The following HEATR4 variants were observed in gnomAD, a reference collection of about 807,000 sequenced individuals.
HEATR4 encodes the protein HEAT repeat-containing protein 4.
HEATR4 carries 95 observed loss-of-function variants against 108.8 expected under a neutral mutation model. The ratio of observed to expected loss-of-function variants is 0.87; its 90% confidence interval spans 0.74 to 1.04. The LOEUF is 1.04. HEATR4 is among the 50% of genes least tolerant of loss of function. The pLI is 0.00. For missense variants in HEATR4, 1,152 were observed against 1,253.8 expected (o/e 0.92, Z 1.23); for synonymous variants, 443 against 459.4 (o/e 0.96, Z 0.46).
intron 17 of HEATR4, among the ~76,000 whole-genome samples, chr14:73,481,635 A>C (rs1885262279): frequency 6.6e-6 from 1 of 151,568 alleles, no homozygotes; most frequent in Non-Finnish European, 1.5e-5. Flanking sequence ...AGGTCAGGAG[A>C]TCGAGACCAT....
At chr14:73,619,374 C>T in the HEATR4 span, 1 of 1,614,156 alleles carries the variant, frequency 6.2e-7, no homozygotes. Flanking sequence ...CTCTACATTA[C>T]AAGGATATGA....
chr14:73,515,454 T>C lies in HEATR4; in HGVS notation c.1211-1220A>G, dbSNP rs149699839. ...CAGCACTTTGGGAGGCCAAAGCGGG[T>C]GGATCACTTGAGGTCACAAGTTCGA... On this transcript the variant is annotated intron_variant, in intron 5 of 17. Coordinates refer to ENST00000553558, the MANE Select transcript of HEATR4 (RefSeq NM_001220484.1). Among the ~76,000 whole-genome samples the C allele has an allele frequency of 9.4e-3, 1,412 of 150,826 alleles. 30 individuals carry two copies. Among genetic ancestry groups the C allele is most frequent in the African/African-American group, 0.032 (1,326 of 41,046 alleles).
the HEATR4 span, among the ~76,000 whole-genome samples, chr14:73,620,363 G>A: frequency 6.6e-6 from 1 of 152,200 alleles, no homozygotes; most frequent in Admixed American, 6.5e-5. Context: ...GATCTTATAT[G>A]TAGGACCGGT....
intron 1 of HEATR4, among the ~76,000 whole-genome samples, chr14:73,552,961 C>T (rs545870581): frequency 8.8e-6 from 1 of 114,198 alleles, no homozygotes; most frequent in African/African-American, 2.8e-5. Context: ...CAGGGTTTCC[C>T]CGACCCAAGC....
At chr14:73,613,279 T>C in the HEATR4 span, among the ~76,000 whole-genome samples, 1 of 152,142 alleles carries the variant, frequency 6.6e-6, no homozygotes, top group Non-Finnish European at 1.5e-5. Context: ...TACTCCAGTC[T>C]TTCCTTTTTA....
chr14:73,593,324 TTTTC>T, the HEATR4 span, among the ~76,000 whole-genome samples: 44 of 146,012 alleles, frequency 3.0e-4, no homozygotes, highest in African/African-American at 8.6e-4. Context: ...ATCTTTTTTC[TTTTC>T]TTTCTTTCTT....
In HEATR4 at chr14:73,492,565, T is replaced by TA; in HGVS notation, c.2844+500dup. 6.2e-7 allele frequency: 1 copy of TA among 1,613,792 alleles called. No individual in the cohort carries two copies. Among genetic ancestry groups the TA allele is most frequent in the Non-Finnish European group, 8.5e-7 (1 of 1,179,828 alleles). The stretch of plus-strand genomic sequence containing the variant: ...ATTCTCTGCCCCCTGTTTTGACTGA[T>TA]AGGGAGAGGGCACTAAGTGTTTACG... On this transcript the variant is annotated intron_variant, in intron 17 of 17. Transcript: ENST00000553558. This position sits in a 1 kb window ranked among gnomAD's most constrained non-coding sequence, Gnocchi z 4.9.
the HEATR4 span, chr14:73,595,581 C>G: frequency 1.9e-6 from 3 of 1,575,702 alleles, no homozygotes; most frequent in East Asian, 6.8e-5. Flanking sequence ...CAGGAAGATG[C>G]CTGGAAGCAA....
chr14:73,572,499 T>C, the HEATR4 span, among the ~76,000 whole-genome samples: 2 of 151,578 alleles, frequency 1.3e-5, no homozygotes, highest in African/African-American at 2.4e-5. Context: ...GGTAATACTA[T>C]GAAGAAAACC....
At chr14:73,566,137 G>C in the HEATR4 span, among the ~76,000 whole-genome samples, 1 of 152,110 alleles carries the variant, frequency 6.6e-6, no homozygotes, top group Non-Finnish European at 1.5e-5. Flanking sequence ...CCCTGAGCTA[G>C]ACACAGGGTG....
rs752940929 is a variant in HEATR4, at chr14:73,500,720, C to T, written c.2116G>A (p.Gly706Ser). ...ACACGCTCCTGGGAATTTCCTTGACCTAGCTTGACCCTGTAAGGCACAAGT... is the reference window on the plus strand; with the variant it reads ...ACACGCTCCTGGGAATTTCCTTGACTTAGCTTGACCCTGTAAGGCACAAGT... The part of the protein sequence containing the change: ...EVHDIIRVKL[G>S]QGNSQERVEA... Residue 706 changes from glycine to serine, a missense_variant, in exon 12 of 18, where the codon GGT becomes AGT. Gly to Ser is a moderately conservative substitution (Grantham distance 56). Transcript: ENST00000553558. The T allele has an allele frequency of 1.8e-5, 29 of 1,613,424 alleles. No homozygotes were observed. Among genetic ancestry groups the T allele is most frequent in the Non-Finnish European group, 2.2e-5 (26 of 1,179,648 alleles).
chr14:73,478,491 A>T lies in HEATR4; in HGVS notation c.*115T>A. On this transcript the variant is annotated 3_prime_UTR_variant, in exon 18 of 18. Coordinates refer to ENST00000553558, the MANE Select transcript of HEATR4 (RefSeq NM_001220484.1). The stretch of plus-strand genomic sequence containing the variant: ...GCATTAAGACATGAGGTCTACTGTT[A>T]AATAATTTCTCTTTATAAACATAGT... 1 of 739,446 alleles carries T rather than the reference A, an allele frequency of 1.4e-6. No individual in the cohort carries two copies. 45.8% of individuals were successfully genotyped at this position (739,446 alleles called of 1,614,324 possible). A position where few individuals can be genotyped will look rare whatever the true frequency, so the allele number is the denominator to read the frequency against.
chr14:73,616,944 G>A, the HEATR4 span: 3 of 604,326 alleles, frequency 5.0e-6, no homozygotes, highest in South Asian at 4.1e-5. Flanking sequence ...TTTGCTTACT[G>A]TCTTTTGAGA....
chr14:73,482,425 G>A (rs1366671971), intron 17 of HEATR4, among the ~76,000 whole-genome samples: 1 of 152,138 alleles, frequency 6.6e-6, no homozygotes, highest in Non-Finnish European at 1.5e-5. Flanking sequence ...AGGAGGCTGA[G>A]GCAGGAGAAT....
rs1888762151 is a variant in HEATR4 at position 73,533,244 on chromosome 14, A to G, written c.-151-3000T>C. 1.7e-5 allele frequency among the ~76,000 whole-genome samples: 2 copies of G among 115,528 alleles called. 1 individual carries two copies. The highest frequency in any genetic ancestry group is 3.8e-5 in the Non-Finnish European group (2 of 52,972). 75.8% of individuals were successfully genotyped at this position (115,528 alleles called of 152,430 possible). On this transcript the variant is annotated intron_variant, in intron 1 of 17. Coordinates refer to ENST00000553558, the MANE Select transcript of HEATR4 (RefSeq NM_001220484.1). ...CAAAAGAATTGAAAGCAGGGACTTTAACAGATATTTGTATACCCATGTTCA... is the reference window on the plus strand; with the variant it reads ...CAAAAGAATTGAAAGCAGGGACTTTGACAGATATTTGTATACCCATGTTCA...
chr14:73,619,282 C>T, the HEATR4 span: 28 of 1,609,144 alleles, frequency 1.7e-5, no homozygotes, highest in Non-Finnish European at 2.2e-5. Context: ...AGGAGGTGAC[C>T]TGTGTCTCTC....
At chr14:73,578,792 A>G in the HEATR4 span, among the ~76,000 whole-genome samples, 2 of 151,822 alleles carry the variant, frequency 1.3e-5, no homozygotes, top group African/African-American at 4.8e-5. Context: ...TGTCTCTACT[A>G]AATACAAAAA....
intron 17 of HEATR4, among the ~76,000 whole-genome samples, chr14:73,484,899 C>T (rs574212716): frequency 2.6e-5 from 4 of 151,994 alleles, no homozygotes; most frequent in Admixed American, 6.6e-5. Flanking sequence ...AATGTAGGCT[C>T]ATGCCTGTAA....
At chr14:73,590,732 C>T in the HEATR4 span, among the ~76,000 whole-genome samples, 1 of 151,766 alleles carries the variant, frequency 6.6e-6, no homozygotes, top group Non-Finnish European at 1.5e-5. Flanking sequence ...GCTCCAAGTG[C>T]GGGGCCGCCG....
Sources: gnomAD v4.1 joint callset for allele counts (sites outside exome capture counted in the v4.1 genomes callset) on GRCh38, gnomAD v4.1.1 for gene constraint, Gnocchi (gnomAD v3.1) non-coding constraint, MANE v1.5 for transcripts, NCBI Gene and HGNC (gene_info 2026-07-23, HGNC 2026-07-21) for gene names.